GPC6: variants seen among roughly 807,000 people sequenced by gnomAD.
GPC6 encodes glypican 6.
A neutral mutation model predicts 55.2 loss-of-function variants in GPC6; 14 were observed. The observed-to-expected ratio is 0.25, with a 90% CI of 0.17 to 0.40. The LOEUF (loss-of-function observed/expected upper bound fraction) is 0.40, where lower values mean the gene tolerates loss of function less well. Among genes scored for constraint, GPC6 ranks in the 10% least tolerant of loss-of-function variants. The pLI is 1.00. For missense variants in GPC6, 641 were observed against 708.5 expected (o/e 0.90, Z 1.08); for synonymous variants, 278 against 259.6 (o/e 1.07, Z -0.68).
chr13:94,106,668 G>A (rs1452942633), intron 4 of GPC6, among the ~76,000 whole-genome samples: 2 of 152,072 alleles, frequency 1.3e-5, no homozygotes, highest in African/African-American at 4.8e-5. Flanking sequence ...AGATCGTTTT[G>A]AGGATGAAAA....
At chr13:93,380,308 A>C (rs1017696094) in intron 1 of GPC6, among the ~76,000 whole-genome samples, 1 of 152,170 alleles carries the variant, frequency 6.6e-6, no homozygotes, top group African/African-American at 2.4e-5. Context: ...CACTTACTGA[A>C]ATGCATTGAT....
chr13:93,645,176 A>G (rs886791693), intron 2 of GPC6, among the ~76,000 whole-genome samples: 8 of 152,046 alleles, frequency 5.3e-5, no homozygotes, highest in African/African-American at 1.9e-4. Context: ...AAAACTGTTC[A>G]GATTCTTTGA....
At chr13:93,941,096 G>T (rs987117423) in intron 3 of GPC6, among the ~76,000 whole-genome samples, 2 of 152,020 alleles carry the variant, frequency 1.3e-5, no homozygotes. Context: ...TTTAAAAGAT[G>T]TGCTCCACCA....
At chr13:93,802,829 A>G (rs1051996713) in intron 2 of GPC6, among the ~76,000 whole-genome samples, 3 of 152,226 alleles carry the variant, frequency 2.0e-5, no homozygotes, top group Non-Finnish European at 1.5e-5. Context: ...CCTGAGAGAG[A>G]AATAATTCCT....
At chr13:93,989,902 G>A (rs564557950) in intron 3 of GPC6, among the ~76,000 whole-genome samples, 2 of 136,912 alleles carry the variant, frequency 1.5e-5, no homozygotes, top group Admixed American at 8.1e-5. Flanking sequence ...ATGTGTGTGT[G>A]TATATATATA....
intron 4 of GPC6, among the ~76,000 whole-genome samples, chr13:94,062,386 G>A (rs1225935047): frequency 6.6e-6 from 1 of 152,126 alleles, no homozygotes; most frequent in Non-Finnish European, 1.5e-5. Flanking sequence ...GAGTAGCTGT[G>A]ACTACAGGCA....
At chr13:94,399,112 A>G (rs1443250713) in intron 8 of GPC6, among the ~76,000 whole-genome samples, 2 of 152,186 alleles carry the variant, frequency 1.3e-5, no homozygotes, top group African/African-American at 4.8e-5. Context: ...CTTGAGTCTC[A>G]GGTTCCTCTT....
At chr13:94,069,673 C>G (rs750815984) in intron 4 of GPC6, among the ~76,000 whole-genome samples, 2 of 152,168 alleles carry the variant, frequency 1.3e-5, no homozygotes, top group Non-Finnish European at 2.9e-5. Flanking sequence ...TCTTCTCTCT[C>G]AAGTTCAAAG....
intron 1 of GPC6, among the ~76,000 whole-genome samples, chr13:93,308,958 T>C (rs1208997404): frequency 6.6e-6 from 1 of 152,166 alleles, no homozygotes; most frequent in Non-Finnish European, 1.5e-5. Flanking sequence ...AGAATGCTGG[T>C]TCATTCATTC....
intron 1 of GPC6, among the ~76,000 whole-genome samples, chr13:93,236,380 C>T (rs969234724): frequency 6.6e-6 from 1 of 152,082 alleles, no homozygotes; most frequent in Non-Finnish European, 1.5e-5. Flanking sequence ...CCCTCACCCT[C>T]TTCCCACCCT....
At chr13:93,476,808 T>A (rs969311023) in intron 1 of GPC6, among the ~76,000 whole-genome samples, 13 of 152,168 alleles carry the variant, frequency 8.5e-5, no homozygotes, top group African/African-American at 3.1e-4. Flanking sequence ...ATAAATAAAA[T>A]ATTGGGGTGT....
chr13:93,593,128 T>A (rs1354966608), intron 2 of GPC6, among the ~76,000 whole-genome samples: 2 of 152,102 alleles, frequency 1.3e-5, no homozygotes, highest in Non-Finnish European at 2.9e-5. Context: ...TTTGAAAAAA[T>A]GACTGTATTT....
chr13:93,948,248 G>A (rs191016521), intron 3 of GPC6, among the ~76,000 whole-genome samples: 180 of 152,170 alleles, frequency 1.2e-3, no homozygotes, highest in Non-Finnish European at 2.0e-3. Flanking sequence ...TCCTCCTATC[G>A]TATTTTCTCC....
chr13:93,613,440 C>T (rs1878573283), intron 2 of GPC6, among the ~76,000 whole-genome samples: 2 of 152,018 alleles, frequency 1.3e-5, no homozygotes, highest in South Asian at 4.2e-4. Context: ...CAGTGACATT[C>T]ATTTTAAGAC....
At chr13:93,344,140 A>G (rs557852418) in intron 1 of GPC6, among the ~76,000 whole-genome samples, 7 of 152,190 alleles carry the variant, frequency 4.6e-5, no homozygotes, top group African/African-American at 1.7e-4. Flanking sequence ...TCCACTTCCT[A>G]CTTCCCAGCC....
chr13:94,044,529 A>G (rs1192972016), intron 4 of GPC6, among the ~76,000 whole-genome samples: 1 of 151,948 alleles, frequency 6.6e-6, no homozygotes, highest in Non-Finnish European at 1.5e-5. Context: ...TGAATGCACC[A>G]TGGTTAATTA....
At chr13:94,362,857 G>A (rs1879119811) in intron 6 of GPC6, among the ~76,000 whole-genome samples, 1 of 152,148 alleles carries the variant, frequency 6.6e-6, no homozygotes, top group South Asian at 2.1e-4. Flanking sequence ...ATGAAATCTT[G>A]TGAAAAGAAT....
intron 4 of GPC6, among the ~76,000 whole-genome samples, chr13:94,190,227 G>A (rs1288796333): frequency 6.6e-6 from 1 of 151,928 alleles, no homozygotes; most frequent in Admixed American, 6.6e-5. Context: ...GGAGGCTGAG[G>A]CAGAATTGTT....
At chr13:93,579,202 A>G (rs191382166) in intron 2 of GPC6, among the ~76,000 whole-genome samples, 2 of 152,236 alleles carry the variant, frequency 1.3e-5, no homozygotes, top group East Asian at 3.9e-4. Context: ...ACTATTATTA[A>G]TACTACTCTA....
Sources: allele counts gnomAD v4.1 joint callset (sites outside exome capture counted in the v4.1 genomes callset), GRCh38; gene constraint gnomAD v4.1.1; transcripts MANE v1.5; gene names NCBI Gene and HGNC (gene_info 2026-07-23, HGNC 2026-07-21).